PRKCE: variants seen among roughly 807,000 people sequenced by gnomAD.
PRKCE encodes the protein protein kinase C epsilon.
A neutral mutation model predicts 85.4 loss-of-function variants in PRKCE; 16 were observed. The observed-to-expected ratio is 0.19, with a 90% CI of 0.13 to 0.28. The LOEUF is 0.28. Ranked by LOEUF, PRKCE falls within the 10% of genes least tolerant of loss-of-function variation. PRKCE has a pLI of 1.00. For missense variants in PRKCE, 573 were observed against 975.2 expected (o/e 0.59, Z 5.49); for synonymous variants, 388 against 371.5 (o/e 1.04, Z -0.51).
intron 1 of PRKCE, among the ~76,000 whole-genome samples, chr2:45,791,239 T>C (rs1166783093): frequency 6.6e-6 from 1 of 152,214 alleles, no homozygotes; most frequent in Non-Finnish European, 1.5e-5. Flanking sequence ...CATATTGAGC[T>C]TTCTGGTAAA....
intron 1 of PRKCE, among the ~76,000 whole-genome samples, chr2:45,741,643 TGCAA>T (rs1323517472): frequency 1.1e-3 from 144 of 136,754 alleles, no homozygotes; most frequent in African/African-American, 5.0e-3. Context: ...TTTGGGCATG[TGCAA>T]GTTTTGGGCC....
chr2:46,026,648 G>A (rs1426533463), intron 10 of PRKCE, among the ~76,000 whole-genome samples: 1 of 152,116 alleles, frequency 6.6e-6, no homozygotes, highest in Non-Finnish European at 1.5e-5. Flanking sequence ...TGACATTTTA[G>A]GGATGTTTTT....
At chr2:45,735,545 A>T (rs566304982) in intron 1 of PRKCE, among the ~76,000 whole-genome samples, 2 of 152,274 alleles carry the variant, frequency 1.3e-5, no homozygotes, top group Admixed American at 6.5e-5. Context: ...ACCTCATAGC[A>T]TTGTTTTGCA....
chr2:45,796,056 T>G (rs1370075010), intron 1 of PRKCE, among the ~76,000 whole-genome samples: 1 of 152,264 alleles, frequency 6.6e-6, no homozygotes, highest in African/African-American at 2.4e-5. Context: ...CAGTTGTTCT[T>G]CACACCTCTG....
At chr2:45,725,031 C>T (rs908628908) in intron 1 of PRKCE, among the ~76,000 whole-genome samples, 20 of 152,334 alleles carry the variant, frequency 1.3e-4, no homozygotes, top group South Asian at 6.2e-4. Context: ...ACTTTCATAG[C>T]TAAAGAGAAA....
chr2:46,172,653 T>C (rs531252507), intron 14 of PRKCE, among the ~76,000 whole-genome samples: 68 of 152,214 alleles, frequency 4.5e-4, no homozygotes, highest in Non-Finnish European at 7.8e-4. Context: ...AGAAGACACC[T>C]CTGGAAAGAG....
chr2:46,005,562 A>G lies in PRKCE; in HGVS notation c.1063+924A>G, dbSNP rs553932628. On this transcript the variant is annotated intron_variant, in intron 8 of 14. Coordinates refer to ENST00000306156, the MANE Select transcript of PRKCE (RefSeq NM_005400.3). ...CAGAGTGTGGAAAAGTTCTGTCCCA[A>G]GGTTTGGAGATAAGTCAGTGGTAAG... Among the ~76,000 whole-genome samples the G allele has an allele frequency of 2.6e-5, 4 of 152,246 alleles. No individual in the cohort carries two copies. In the East Asian group the frequency reaches 7.7e-4, roughly 29 times the overall value.
chr2:45,654,508 C>T (rs1675289255), intron 1 of PRKCE, among the ~76,000 whole-genome samples: 1 of 152,234 alleles, frequency 6.6e-6, no homozygotes, highest in South Asian at 2.1e-4. Context: ...AGGGCCCTCA[C>T]CGCCTGTTGC....
In PRKCE at chr2:45,652,016, T is replaced by A. The variant is rs1329471664; in HGVS notation, c.-85T>A. 3.7e-6 allele frequency: 4 copies of A among 1,078,910 alleles called. No individual in the cohort carries two copies. 66.8% of individuals were successfully genotyped at this position (1,078,910 alleles called of 1,614,324 possible). A position where few individuals can be genotyped will look rare whatever the true frequency, so the allele number is the denominator to read the frequency against. ...GCGAAAGGGGACCCAAGAGTCCCTG[T>A]GGCTCGGAGTGCCGGGCCGTCGGTT... On this transcript the variant is annotated 5_prime_UTR_variant, in exon 1 of 15. Coordinates refer to ENST00000306156, the MANE Select transcript of PRKCE (RefSeq NM_005400.3). This position sits in a 1 kb window ranked among gnomAD's most constrained non-coding sequence, Gnocchi z 7.7.
chr2:46,107,994 T>A (rs7561820), intron 11 of PRKCE, among the ~76,000 whole-genome samples: 1 of 152,006 alleles, frequency 6.6e-6, no homozygotes, highest in Non-Finnish European at 1.5e-5. Flanking sequence ...AGTGGTGTGA[T>A]CCTAGCTCGC....
At chr2:45,918,069 C>G (rs1376002766) in intron 2 of PRKCE, among the ~76,000 whole-genome samples, 1 of 152,238 alleles carries the variant, frequency 6.6e-6, no homozygotes, top group Admixed American at 6.5e-5. Context: ...CCACACCTCC[C>G]TGCAACCTGA....
chr2:45,972,812 A>C (rs2595207), intron 2 of PRKCE, among the ~76,000 whole-genome samples: 123,815 of 152,092 alleles, frequency 0.81, 51,027 homozygotes, highest in East Asian at 0.97. Context: ...AATGCCCATA[A>C]AAGAATTAAT....
intron 1 of PRKCE, among the ~76,000 whole-genome samples, chr2:45,825,485 T>C (rs4953264): frequency 0.64 from 96,771 of 152,158 alleles, 32,134 homozygotes; most frequent in African/African-American, 0.83. Flanking sequence ...ATTAGTTCAG[T>C]TTTCCTACTT....
At chr2:45,975,700 G>A (rs1245480164) in intron 2 of PRKCE, among the ~76,000 whole-genome samples, 1 of 152,180 alleles carries the variant, frequency 6.6e-6, no homozygotes, top group Non-Finnish European at 1.5e-5. Flanking sequence ...GGCATTCTCA[G>A]TTGGTGGGGC....
chr2:46,144,609 C>T (rs1218857294), intron 11 of PRKCE, among the ~76,000 whole-genome samples: 1 of 152,174 alleles, frequency 6.6e-6, no homozygotes, highest in Non-Finnish European at 1.5e-5. Context: ...TGGTCTCCCG[C>T]TCTGATGCAC....
At chr2:46,002,313 G>T (rs1704756946) in intron 7 of PRKCE, among the ~76,000 whole-genome samples, 1 of 152,194 alleles carries the variant, frequency 6.6e-6, no homozygotes, top group Non-Finnish European at 1.5e-5. Flanking sequence ...CGGGTGAAGG[G>T]TGCAGTGGGG....
intron 1 of PRKCE, among the ~76,000 whole-genome samples, chr2:45,754,071 T>G (rs1454168965): frequency 6.6e-6 from 1 of 152,186 alleles, no homozygotes; most frequent in African/African-American, 2.4e-5. Context: ...CTACAAAATT[T>G]GCTTTTGTAG....
intron 1 of PRKCE, among the ~76,000 whole-genome samples, chr2:45,807,121 A>AGAGGTGTGATCTT (rs1688305041): frequency 6.6e-6 from 1 of 152,210 alleles, no homozygotes; most frequent in Non-Finnish European, 1.5e-5. Context: ...GCCTTTTGTT[A>AGAGGTGTGATCTT]GAGGTGTGAT....
intron 13 of PRKCE, among the ~76,000 whole-genome samples, chr2:46,158,065 GC>G (rs1558513244): frequency 6.6e-6 from 1 of 152,252 alleles, no homozygotes; most frequent in African/African-American, 2.4e-5. Context: ...ATCACAATTT[GC>G]TGAGTGTACA....
Sources: allele counts gnomAD v4.1 joint callset (sites outside exome capture counted in the v4.1 genomes callset), GRCh38; gene constraint gnomAD v4.1.1; non-coding constraint Gnocchi (gnomAD v3.1); transcripts MANE v1.5; gene names NCBI Gene and HGNC (gene_info 2026-07-23, HGNC 2026-07-21).